Variants in SCLT1 observed in about 807,000 individuals in gnomAD.
The protein encoded by SCLT1 is sodium channel-associated protein 1.
Under a neutral mutation model 112.8 loss-of-function variants are expected in SCLT1, and 78 were observed. That is an observed-to-expected ratio of 0.69 (90% CI 0.58 to 0.83). The LOEUF (loss-of-function observed/expected upper bound fraction) is 0.83. Among genes scored for constraint, SCLT1 ranks in the 40% least tolerant of loss-of-function variants. SCLT1 has a pLI of 0.00. For missense variants in SCLT1, 747 were observed against 770.4 expected, an observed-to-expected ratio of 0.97 and a Z score of 0.36; for synonymous variants, 257 against 254.7, an observed-to-expected ratio of 1.01 and a Z score of -0.09.
chr4:128,901,162 C>A (rs1734258195), intron 18 of SCLT1, among the ~76,000 whole-genome samples: 1 of 152,136 alleles, frequency 6.6e-6, no homozygotes, highest in Non-Finnish European at 1.5e-5. Context: ...CCAGCCATCC[C>A]ATTACTGGGT....
intron 9 of SCLT1, among the ~76,000 whole-genome samples, chr4:128,984,519 C>G (rs1032980456): frequency 2.6e-5 from 4 of 152,094 alleles, no homozygotes; most frequent in Admixed American, 1.3e-4. Context: ...CATGATTCTT[C>G]CCCTGTCCTT....
chr4:129,081,145 T>C (rs1262492730), intron 2 of SCLT1, among the ~76,000 whole-genome samples: 1 of 152,174 alleles, frequency 6.6e-6, no homozygotes, highest in Non-Finnish European at 1.5e-5. Context: ...TTAAGTAGTT[T>C]AGACACACAC....
At chr4:128,906,041 G>A (rs185671340) in intron 18 of SCLT1, among the ~76,000 whole-genome samples, 15 of 152,064 alleles carry the variant, frequency 9.9e-5, no homozygotes, top group Non-Finnish European at 5.9e-5. Flanking sequence ...GCAATCAAAA[G>A]GTGTTTTTTT....
intron 17 of SCLT1, among the ~76,000 whole-genome samples, chr4:128,941,195 G>A (rs1243549376): frequency 6.6e-6 from 1 of 152,080 alleles, no homozygotes; most frequent in Non-Finnish European, 1.5e-5. Context: ...AATTCAAGAT[G>A]AGATTTGGGT....
chr4:128,982,197 C>T (rs1741717091), intron 9 of SCLT1, among the ~76,000 whole-genome samples: 2 of 152,142 alleles, frequency 1.3e-5, no homozygotes, highest in African/African-American at 4.8e-5. Context: ...TTTCAGGTGC[C>T]TCTGAGCCAT....
intron 5 of SCLT1, among the ~76,000 whole-genome samples, chr4:129,010,524 A>G (rs1346364358): frequency 6.6e-6 from 1 of 152,196 alleles, no homozygotes; most frequent in African/African-American, 2.4e-5. Context: ...CATTTTTACA[A>G]TATTGATGCT....
intron 11 of SCLT1, among the ~76,000 whole-genome samples, chr4:128,960,580 C>T (rs914958379): frequency 2.6e-5 from 4 of 152,120 alleles, no homozygotes; most frequent in Admixed American, 2.6e-4. Flanking sequence ...ATCTTCTTTG[C>T]ATATTTTTTT....
At chr4:128,958,673 A>G (rs986327944) in intron 12 of SCLT1, among the ~76,000 whole-genome samples, 7 of 152,190 alleles carry the variant, frequency 4.6e-5, no homozygotes, top group Admixed American at 4.6e-4. Flanking sequence ...TGATTTAGGT[A>G]TTCGACACAA....
chr4:128,891,271 G>A (rs1166708742), intron 18 of SCLT1, 134 bp from the exon 19 acceptor site: 2 of 641,836 alleles, frequency 3.1e-6, no homozygotes, highest in African/African-American at 3.7e-5. Context: ...CTTACTAATA[G>A]ACCATATCTC....
In SCLT1 at chr4:128,946,495, C is replaced by G. The variant is rs568012334; in HGVS notation, c.1294-343G>C. On this transcript the variant is annotated intron_variant, in intron 15 of 20. Transcript: ENST00000281142. ...GCTCAGGTAGGAGGATCCTTGAGCC[C>G]AGGAGATCGAGGCTGCAGTGAGCCA... Among the ~76,000 whole-genome samples the G allele has an allele frequency of 9.2e-5, 14 of 152,248 alleles. No homozygotes were observed. The South Asian group carries it at 2.9e-3, about 32-fold the overall frequency.
At chr4:129,008,606 A>G (rs1019868186) in intron 5 of SCLT1, among the ~76,000 whole-genome samples, 3 of 152,166 alleles carry the variant, frequency 2.0e-5, no homozygotes, top group African/African-American at 7.2e-5. Flanking sequence ...CACGAATTTT[A>G]GTTCTTTTCA....
chr4:128,956,963 G>T, intron 13 of SCLT1, 63 bp downstream of exon 13: 2 of 803,540 alleles, frequency 2.5e-6, no homozygotes, highest in East Asian at 2.7e-5. Flanking sequence ...AAATATTTAG[G>T]TAGAATTTAG....
intron 18 of SCLT1, among the ~76,000 whole-genome samples, chr4:128,900,274 C>T (rs1347391116): frequency 7.2e-5 from 11 of 152,206 alleles, no homozygotes; most frequent in Non-Finnish European, 1.3e-4. Context: ...TGACTTCAAA[C>T]TATACTACAA....
At chr4:129,055,372 C>A (rs1749260188) in intron 2 of SCLT1, among the ~76,000 whole-genome samples, 1 of 152,210 alleles carries the variant, frequency 6.6e-6, no homozygotes, top group Non-Finnish European at 1.5e-5. Context: ...TCCACTGAAG[C>A]TACAACCACA....
At chr4:129,046,826 T>C (rs1188403491) in intron 2 of SCLT1, among the ~76,000 whole-genome samples, 1 of 152,128 alleles carries the variant, frequency 6.6e-6, no homozygotes, top group East Asian at 1.9e-4. Context: ...TTGTCAACAC[T>C]TGGAACTATG....
chr4:128,945,916 TC>T, intron 16 of SCLT1, 90 bp downstream of exon 16: 1 of 761,774 alleles, frequency 1.3e-6, no homozygotes, highest in Non-Finnish European at 2.1e-6. Context: ...ATATTGTAAG[TC>T]CTACCAAAAA....
chr4:128,931,948 C>CTT (rs33969702), intron 18 of SCLT1, among the ~76,000 whole-genome samples: 2 of 146,270 alleles, frequency 1.4e-5, no homozygotes, highest in African/African-American at 5.0e-5. Flanking sequence ...ATTTCTATCC[C>CTT]TTTTTTTTTT....
intron 10 of SCLT1, among the ~76,000 whole-genome samples, chr4:128,969,977 C>T (rs1740548792): frequency 6.6e-6 from 1 of 152,142 alleles, no homozygotes; most frequent in Admixed American, 6.5e-5. Context: ...CCTTGACATC[C>T]TTCTGAAATT....
chr4:128,929,531 G>A (rs1736586213), intron 18 of SCLT1, among the ~76,000 whole-genome samples: 1 of 152,146 alleles, frequency 6.6e-6, no homozygotes, highest in Admixed American at 6.6e-5. Context: ...AACAAGGTAA[G>A]AGAAATGGCT....
Sources: allele counts gnomAD v4.1 joint callset (sites outside exome capture counted in the v4.1 genomes callset), GRCh38; gene constraint gnomAD v4.1.1; transcripts MANE v1.5; gene names NCBI Gene and HGNC (gene_info 2026-07-23, HGNC 2026-07-21).